LTBP4: variants seen among roughly 807,000 people sequenced by gnomAD.
The protein encoded by LTBP4 is latent transforming growth factor beta binding protein 4.
LTBP4 carries 93 observed loss-of-function variants against 180.2 expected under a neutral mutation model. That is an observed-to-expected ratio of 0.52 (90% CI 0.44 to 0.61). The LOEUF (loss-of-function observed/expected upper bound fraction) is 0.61. Ranked by LOEUF, LTBP4 falls within the 20% of genes least tolerant of loss-of-function variation. LTBP4 has a pLI of 0.00. For missense variants in LTBP4, 2,116 were observed against 2,256.5 expected, an observed-to-expected ratio of 0.94 and a Z score of 1.26; for synonymous variants, 947 against 934.5, an observed-to-expected ratio of 1.01 and a Z score of -0.24.
At chr19:40,623,470 T>C in intron 24 of LTBP4, 134 bp from the exon 25 acceptor site, 2 of 1,170,556 alleles carry the variant, frequency 1.7e-6, no homozygotes, top group African/African-American at 1.5e-5. Flanking sequence ...CCACCGCTCC[T>C]GGCCTCTCCA....
At chr19:40,625,300 A>ATTTT (rs2081623501) in intron 26 of LTBP4, among the ~76,000 whole-genome samples, 1 of 11,520 alleles carries the variant, frequency 8.7e-5, no homozygotes, top group Admixed American at 8.7e-4. Context: ...ATATATATAT[A>ATTTT]TATATATATA....
rs2081591053 is a variant in LTBP4, at chr19:40,622,277, G to A, written c.3218-124G>A. ...AGGAGCGTGAGAGGTGTGGAGTCTGGTTCTGCCACTGATGGCTGCCACCCT... is the reference window on the plus strand; with the variant it reads ...AGGAGCGTGAGAGGTGTGGAGTCTGATTCTGCCACTGATGGCTGCCACCCT... On this transcript the variant is annotated intron_variant, in intron 22 of 29. Coordinates refer to ENST00000396819, the MANE Select transcript of LTBP4 (RefSeq NM_001042545.2). This position sits in a 1 kb window ranked among gnomAD's most constrained non-coding sequence, Gnocchi z 5.1. The A allele has an allele frequency of 2.8e-6, 3 of 1,088,684 alleles. No homozygotes were observed. The highest frequency in any genetic ancestry group is 3.5e-5 in the South Asian group (2 of 56,874). 67.4% of individuals were successfully genotyped at this position (1,088,684 alleles called of 1,614,324 possible).
Position 40,625,273 on chromosome 19 carries a change from TATATATATATATATATATATATA to T in LTBP4, c.3833-583_3833-561del, listed in dbSNP as rs2081618353. ...GTATTTATATATATATATATATATA[TATATATATATATATATATATATA>T]TATATATATATATATATATATTTTT... On this transcript the variant is annotated intron_variant, in intron 26 of 29. Transcript: ENST00000396819. Among the ~76,000 whole-genome samples the T allele has an allele frequency of 1.4e-3, 15 of 11,094 alleles. 2 individuals carry two copies. The highest frequency in any genetic ancestry group is 1.4e-3 in the African/African-American group (3 of 2,078). The allele number at this position is 11,094 out of a possible 152,430, so 7.3% of individuals were successfully genotyped here.
At chr19:40,606,006 T>C (rs1368898676) in intron 4 of LTBP4, among the ~76,000 whole-genome samples, 175 bp downstream of exon 4, 1 of 152,168 alleles carries the variant, frequency 6.6e-6, no homozygotes, top group African/African-American at 2.4e-5. Context: ...ACCCACCCCA[T>C]TTTCTGACTT....
chr19:40,595,910 T>G, intron 1 of LTBP4, among the ~76,000 whole-genome samples: 1 of 35,426 alleles, frequency 2.8e-5, no homozygotes, highest in African/African-American at 3.1e-4. Context: ...TTTGGATTTT[T>G]TTTTTTTTTT....
rs2081517975 is a variant in LTBP4, at chr19:40,613,005, G to A, written c.2300-60G>A. The A allele has an allele frequency of 3.2e-6, 5 of 1,557,930 alleles. No homozygotes were observed. Among genetic ancestry groups the A allele is most frequent in the Non-Finnish European group, 4.4e-6 (5 of 1,142,982 alleles). ...ACCTCCCCCAGACACCCTACTCCAAGGGGATTGGTCGGGTGTGTCCCGAGA... is the reference window on the plus strand; with the variant it reads ...ACCTCCCCCAGACACCCTACTCCAAAGGGATTGGTCGGGTGTGTCCCGAGA... On this transcript the variant is annotated intron_variant, in intron 15 of 29. Transcript: ENST00000396819. This position sits in a 1 kb window ranked among gnomAD's most constrained non-coding sequence, Gnocchi z 5.0.
In LTBP4 at chr19:40,605,735, T is replaced by A. The variant is rs1434824393; in HGVS notation, c.697T>A (p.Ser233Thr). Residue 233 changes from serine (S) to threonine (T), a missense_variant, in exon 4 of 30, where the codon TCC becomes ACC. This residue lies in a region of LTBP4 where 469 missense variants were observed against 532.5 expected (regional missense o/e 0.88). Coordinates refer to ENST00000396819, the MANE Select transcript of LTBP4 (RefSeq NM_001042545.2). The surrounding 1 kb of genome is among the most constrained non-coding windows in gnomAD (Gnocchi z 5.5). ...ACCCAACACTTCCCCGCAGTGCGCG[T>A]CCCCGCTGCCCGGGCTCCGGACGCA... is the stretch of plus-strand genomic sequence containing the variant. ...FRELRGGECASPLPGLRTQEV... is the reference protein window; with the variant it reads ...FRELRGGECATPLPGLRTQEV... The A allele has an allele frequency of 6.5e-7, 1 of 1,545,916 alleles. No individual in the cohort carries two copies. The highest frequency in any genetic ancestry group is 8.7e-7 in the Non-Finnish European group (1 of 1,146,500).
chr19:40,629,430 C>A lies in LTBP4; in HGVS notation c.4554C>A (p.Ser1518=), dbSNP rs367955566. Residue 1518 remains serine (S), a synonymous_variant, in exon 30 of 30, where the codon TCC becomes TCA. Transcript: ENST00000396819. This position sits in a 1 kb window ranked among gnomAD's most constrained non-coding sequence, Gnocchi z 4.5. The stretch of plus-strand genomic sequence containing the variant: ...AGTGTGATGAGGCCGAGGCTGCCTC[C>A]CCGCTGTGCGTCAACGCGCGTTGCC... The part of the protein sequence containing the change: ...INECDEAEAA[S]PLCVNARCLN... 2.5e-6 allele frequency: 4 copies of A among 1,612,788 alleles called. No homozygotes were observed. In the Admixed American group the frequency reaches 5.0e-5, roughly 20 times the overall value.
chr19:40,603,579 G>A lies in LTBP4; in HGVS notation c.251-1456G>A, dbSNP rs1156954675. Among the ~76,000 whole-genome samples, 4 of 152,224 alleles carry A rather than the reference G, an allele frequency of 2.6e-5. No homozygotes were observed. The South Asian group carries it at 8.3e-4, about 32-fold the overall frequency. On this transcript the variant is annotated intron_variant, in intron 1 of 29. Transcript: ENST00000396819. ...GGTTCCTCCATCCCAGAAACCTCCAGCCGTCTTTGAACTCGAGAGGACTGC... is the reference window on the plus strand; with the variant it reads ...GGTTCCTCCATCCCAGAAACCTCCAACCGTCTTTGAACTCGAGAGGACTGC...
rs727503154 is a variant in LTBP4 at position 40,617,221 on chromosome 19, C to T, written c.3066C>T (p.Cys1022=). The T allele has an allele frequency of 1.4e-5, 23 of 1,612,706 alleles. No homozygotes were observed. The highest frequency in any genetic ancestry group is 1.1e-4 in the East Asian group (5 of 44,862). The change falls in exon 21 of 30, where the codon TGC becomes TGT. Residue 1022 remains cysteine, a synonymous_variant. Transcript: ENST00000396819. ...AGGGGGCACGGGATGGGCGTCACTG[C>T]GTGGGTACGGGACTTCAGGAGGTGG... is the stretch of plus-strand genomic sequence containing the variant. The part of the protein sequence containing the change: ...GYEGARDGRH[C]VDVNECETLQ...
At position 40,613,837 on chromosome 19, in the gene LTBP4, A is replaced by G; in HGVS notation, c.2558-79A>G. On this transcript the variant is annotated intron_variant, in intron 17 of 29. Transcript: ENST00000396819. This position sits in a 1 kb window ranked among gnomAD's most constrained non-coding sequence, Gnocchi z 5.0. ...AGGCGTGAGAGGCCTAGGAGAGCCG[A>G]GGGGCGGTGGAGGGGTGTGGCCTAG... 1 of 1,594,102 alleles carries G rather than the reference A, an allele frequency of 6.3e-7. No individual in the cohort carries two copies. The highest frequency in any genetic ancestry group is 8.5e-7 in the Non-Finnish European group (1 of 1,169,934).
In LTBP4 at chr19:40,613,015, C is replaced by T. The variant is rs750700463; in HGVS notation, c.2300-50C>T. 1.1e-5 allele frequency: 18 copies of T among 1,584,316 alleles called. No homozygotes were observed. The highest frequency in any genetic ancestry group is 1.7e-4 in the Middle Eastern group (1 of 6,014). ...GACACCCTACTCCAAGGGGATTGGT[C>T]GGGTGTGTCCCGAGACTGGACCCTT... On this transcript the variant is annotated intron_variant, in intron 15 of 29. Transcript: ENST00000396819. The surrounding 1 kb of genome is among the most constrained non-coding windows in gnomAD (Gnocchi z 5.0).
Position 40,609,426 on chromosome 19 carries a change from C to G in LTBP4, c.1427-104C>G. On this transcript the variant is annotated intron_variant, in intron 9 of 29. Transcript: ENST00000396819. The surrounding 1 kb of genome is among the most constrained non-coding windows in gnomAD (Gnocchi z 4.9). ...CTGGGCTTGCTTGGGGAGGAGACAT[C>G]CATGAAGGTGTTTTATGGATGTCTC... 7.0e-7 allele frequency: 1 copy of G among 1,420,272 alleles called. No individual in the cohort carries two copies. The highest frequency in any genetic ancestry group is 1.3e-5 in the South Asian group (1 of 79,172). 88.0% of individuals were successfully genotyped at this position (1,420,272 alleles called of 1,614,324 possible). A position where few individuals can be genotyped will look rare whatever the true frequency, so the allele number is the denominator to read the frequency against.
In LTBP4 at chr19:40,627,159, GC is replaced by G. The variant is rs35139663; in HGVS notation, c.4173del (p.Phe1392SerfsTer109). 6.2e-7 allele frequency: 1 copy of G among 1,611,716 alleles called. No individual in the cohort carries two copies. The highest frequency in any genetic ancestry group is 8.5e-7 in the Non-Finnish European group (1 of 1,179,320). On this transcript the variant is annotated frameshift_variant, in exon 28 of 30. Coordinates refer to ENST00000396819, the MANE Select transcript of LTBP4 (RefSeq NM_001042545.2). LOFTEE classifies it high-confidence loss of function. The part of the protein sequence containing the change: ...PYDPYPPPPG[P>X]FARREAPYGA... ...ACGACCCCTACCCACCGCCACCTGG[GC>G]CCTTCGCCCGCCGGGAGGCTCCTTA... is the stretch of plus-strand genomic sequence containing the variant.
At chr19:40,597,522 C>T (rs558798135), upstream of LTBP4, 205 of 982,492 alleles carry the variant, frequency 2.1e-4, no homozygotes, top group Admixed American at 3.5e-4. Context: ...TATTAGGCGC[C>T]CTCAATTTGT....
chr19:40,618,895 T>C (rs1347786633), intron 21 of LTBP4, among the ~76,000 whole-genome samples: 1 of 152,242 alleles, frequency 6.6e-6, no homozygotes, highest in African/African-American at 2.4e-5. Context: ...TGCTTTCTTC[T>C]ATTGCATGAT....
Position 40,617,125 on chromosome 19 carries a change from C to T in LTBP4, c.2970C>T (p.Ser990=), listed in dbSNP as rs1392573537. Reference sequence around the variant, plus strand: ...ATGTGGACGAATGCCGGAACCGGTCCTTCTGCGGTGCCCACGCCGTGTGCC... The same window carrying T: ...ATGTGGACGAATGCCGGAACCGGTCTTTCTGCGGTGCCCACGCCGTGTGCC... ...CQDVDECRNR[S]FCGAHAVCQN... The change falls in exon 21 of 30, where the codon TCC becomes TCT. Residue 990 remains serine, a synonymous_variant. Coordinates refer to ENST00000396819, the MANE Select transcript of LTBP4 (RefSeq NM_001042545.2). 2 of 1,614,030 alleles carry T rather than the reference C, an allele frequency of 1.2e-6. No individual in the cohort carries two copies. Among genetic ancestry groups the T allele is most frequent in the Non-Finnish European group, 8.5e-7 (1 of 1,179,902 alleles).
upstream of LTBP4, chr19:40,597,215 G>A (rs923291207): frequency 1.1e-5 from 16 of 1,457,096 alleles, no homozygotes; most frequent in East Asian, 2.9e-5. Context: ...CGCCCGGAGC[G>A]GGACTCGGCG....
chr19:40,628,370 C>T (rs2081652949), intron 29 of LTBP4, among the ~76,000 whole-genome samples: 1 of 152,164 alleles, frequency 6.6e-6, no homozygotes. Context: ...GAAACCCCGT[C>T]TCTAAAAATA....
Sources: allele counts gnomAD v4.1 joint callset (sites outside exome capture counted in the v4.1 genomes callset), GRCh38; gene constraint gnomAD v4.1.1; regional missense constraint gnomAD v4.1.1; non-coding constraint Gnocchi (gnomAD v3.1); transcripts MANE v1.5; gene names NCBI Gene and HGNC (gene_info 2026-07-23, HGNC 2026-07-21).